Variants in CNTN5 observed in about 807,000 individuals in gnomAD.
CNTN5 encodes contactin-5.
Under a neutral mutation model 129.1 loss-of-function variants are expected in CNTN5, and 77 were observed. The ratio of observed to expected loss-of-function variants is 0.60; its 90% CI spans 0.50 to 0.72. CNTN5 has a LOEUF of 0.72. Ranked by LOEUF, CNTN5 falls within the 30% of genes least tolerant of loss-of-function variation. The pLI, the probability that CNTN5 is intolerant of heterozygous loss-of-function variation, is 0.00. For missense variants in CNTN5, 1,478 were observed against 1,328.8 expected, an observed-to-expected ratio of 1.11 and a Z score of -1.75; for synonymous variants, 509 against 465.6, an observed-to-expected ratio of 1.09 and a Z score of -1.20.
At chr11:99,294,268 T>A (rs564650712) in intron 1 of CNTN5, among the ~76,000 whole-genome samples, 1 of 152,266 alleles carries the variant, frequency 6.6e-6, no homozygotes, top group African/African-American at 2.4e-5. Context: ...ACTTACAAAA[T>A]CTAAAGACAC....
chr11:99,575,064 A>G (rs1273032820), intron 3 of CNTN5, among the ~76,000 whole-genome samples: 1 of 152,204 alleles, frequency 6.6e-6, no homozygotes, highest in Admixed American at 6.5e-5. Context: ...GGGTTAGGCT[A>G]CATTATTTGA....
chr11:99,844,593 T>C (rs180812725), intron 4 of CNTN5: 1,009 of 432,686 alleles, frequency 2.3e-3, no homozygotes, highest in Non-Finnish European at 3.5e-3. Context: ...AAGATATATA[T>C]TTAAAATATA....
intron 1 of CNTN5, among the ~76,000 whole-genome samples, chr11:99,121,290 A>G (rs1565333799): frequency 6.6e-6 from 1 of 151,944 alleles, no homozygotes; most frequent in Non-Finnish European, 1.5e-5. Context: ...ACTCACCACC[A>G]TGCCCAGCTA....
At chr11:100,244,020 A>T (rs1949792794) in intron 16 of CNTN5, among the ~76,000 whole-genome samples, 1 of 152,064 alleles carries the variant, frequency 6.6e-6, no homozygotes, top group Non-Finnish European at 1.5e-5. Context: ...CTCATTATTT[A>T]CTTTTCCTTT....
Position 99,579,524 on chromosome 11 carries a change from C to T in CNTN5, c.55+23255C>T, listed in dbSNP as rs368330166. On this transcript the variant is annotated intron_variant, in intron 3 of 24. Coordinates refer to ENST00000524871, the MANE Select transcript of CNTN5 (RefSeq NM_014361.4). ...ATTTCATTGAGCAGTGGTTTGTAGT[C>T]CTCCTTGAAGAGGTCCTTCACATCC... is the stretch of plus-strand genomic sequence containing the variant. Among the ~76,000 whole-genome samples the T allele has an allele frequency of 7.0e-4, 105 of 149,476 alleles. No homozygotes were observed. The South Asian group carries it at 0.02, about 28-fold the overall frequency.
chr11:100,255,813 G>A lies in CNTN5; in HGVS notation c.2059G>A (p.Ala687Thr). ...TGTTGAGGAAATAACCGAAAGTACG[G>A]CCACACTGTCCTGGAGCCCAGCAGC... ...VIVEEITEST[A>T]TLSWSPAADN... is the part of the protein sequence containing the mutation. Residue 687 changes from alanine to threonine, a missense_variant, in exon 17 of 25, where the codon GCC becomes ACC. By Grantham distance (58) the Ala-to-Thr change is moderately conservative (BLOSUM62 0). Coordinates refer to ENST00000524871, the MANE Select transcript of CNTN5 (RefSeq NM_014361.4). 1.2e-6 allele frequency: 2 copies of A among 1,613,872 alleles called. No homozygotes were observed. The highest frequency in any genetic ancestry group is 2.2e-5 in the East Asian group (1 of 44,852).
rs78898141 is a variant in CNTN5 at position 100,247,014 on chromosome 11, A to G, written c.2006-8746A>G. On this transcript the variant is annotated intron_variant, in intron 16 of 24. Transcript: ENST00000524871. ...ACTAGTAAAACAGTCACACAAATAA[A>G]TAGAAAGTTTTCACTGTGATTTCAA... Among the ~76,000 whole-genome samples, 1,513 of 152,310 alleles carry G rather than the reference A, an allele frequency of 9.9e-3. 16 individuals are homozygous for G. The highest frequency in any genetic ancestry group is 0.032 in the African/African-American group (1,317 of 41,574).
At chr11:100,039,228 A>T (rs1942230354) in intron 9 of CNTN5, among the ~76,000 whole-genome samples, 1 of 152,206 alleles carries the variant, frequency 6.6e-6, no homozygotes, top group East Asian at 1.9e-4. Context: ...TTACTTATGA[A>T]GCTTAATTTG....
intron 3 of CNTN5, among the ~76,000 whole-genome samples, chr11:99,804,270 A>C (rs1328559108): frequency 6.6e-6 from 1 of 152,144 alleles, no homozygotes; most frequent in African/African-American, 2.4e-5. Flanking sequence ...TCATTTACCA[A>C]ATGTGTACCC....
chr11:100,067,722 A>G (rs1398722360), intron 10 of CNTN5, among the ~76,000 whole-genome samples: 1 of 152,120 alleles, frequency 6.6e-6, no homozygotes, highest in African/African-American at 2.4e-5. Flanking sequence ...GAATTTGAAT[A>G]ACATTTTAAT....
chr11:99,744,407 A>G (rs1943979696), intron 3 of CNTN5, among the ~76,000 whole-genome samples: 1 of 151,948 alleles, frequency 6.6e-6, no homozygotes, highest in African/African-American at 2.4e-5. Context: ...TGTTCCCACT[A>G]AACAATGTTG....
chr11:100,346,671 C>T (rs1196246437), intron 23 of CNTN5, among the ~76,000 whole-genome samples: 1 of 152,080 alleles, frequency 6.6e-6, no homozygotes, highest in African/African-American at 2.4e-5. Flanking sequence ...CACCAAATAT[C>T]TCCCCTCACC....
At chr11:99,808,142 A>G (rs997270016) in intron 3 of CNTN5, among the ~76,000 whole-genome samples, 4 of 152,226 alleles carry the variant, frequency 2.6e-5, no homozygotes, top group Non-Finnish European at 5.9e-5. Flanking sequence ...ATGCATACAT[A>G]ACTTAGCCAA....
At chr11:100,037,169 T>C in intron 9 of CNTN5, among the ~76,000 whole-genome samples, 1 of 119,598 alleles carries the variant, frequency 8.4e-6, no homozygotes, top group African/African-American at 3.6e-5. Flanking sequence ...TTAAGAGTTT[T>C]TAGCATGAAG....
intron 13 of CNTN5, among the ~76,000 whole-genome samples, chr11:100,132,092 C>CA (rs1946395295): frequency 6.6e-6 from 1 of 151,950 alleles, no homozygotes; most frequent in Non-Finnish European, 1.5e-5. Context: ...AAGGAAAAGC[C>CA]AAATCATATA....
At chr11:100,141,761 A>G (rs529295244) in intron 13 of CNTN5, among the ~76,000 whole-genome samples, 1 of 152,308 alleles carries the variant, frequency 6.6e-6, no homozygotes, top group African/African-American at 2.4e-5. Context: ...TAGGTAGCAT[A>G]TGTGTAATTT....
intron 3 of CNTN5, among the ~76,000 whole-genome samples, chr11:99,770,596 CTTTA>C (rs1192876559): frequency 6.6e-6 from 1 of 151,784 alleles, no homozygotes; most frequent in African/African-American, 2.4e-5. Context: ...TGTATTATGT[CTTTA>C]TTTGTGTCTT....
chr11:99,259,646 T>C (rs1862537906), intron 1 of CNTN5, among the ~76,000 whole-genome samples: 3 of 151,864 alleles, frequency 2.0e-5, no homozygotes, highest in African/African-American at 4.8e-5. Context: ...TGTTGAGTCT[T>C]GGTTTAAAGG....
chr11:99,872,905 A>T (rs546969152), intron 6 of CNTN5, among the ~76,000 whole-genome samples: 1 of 152,264 alleles, frequency 6.6e-6, no homozygotes, highest in African/African-American at 2.4e-5. Flanking sequence ...AAATAAGAAT[A>T]ACTCTATATA....
Sources: gnomAD v4.1 joint callset for allele counts (sites outside exome capture counted in the v4.1 genomes callset) on GRCh38, gnomAD v4.1.1 for gene constraint, MANE v1.5 for transcripts, NCBI Gene and HGNC (gene_info 2026-07-23, HGNC 2026-07-21) for gene names.